TCOF1: variants seen among roughly 807,000 people sequenced by gnomAD.
The protein encoded by TCOF1 is treacle ribosome biogenesis factor 1, also known as treacle protein.
In TCOF1, 33 loss-of-function variants were observed where a neutral mutation model predicts 149.0. That is an observed-to-expected ratio of 0.22 (90% CI 0.17 to 0.30). The LOEUF (loss-of-function observed/expected upper bound fraction) is 0.30, where lower values mean the gene tolerates loss of function less well. Ranked by LOEUF, TCOF1 falls within the 10% of genes least tolerant of loss-of-function variation. The probability of loss-of-function intolerance (pLI) is 1.00; values close to 1 mark genes in which losing one functional copy is unlikely to be tolerated. For synonymous variants in TCOF1, 789 were observed against 738.8 expected, an observed-to-expected ratio of 1.07 and a Z score of -1.10; for missense variants, 1,728 against 1,840.7, an observed-to-expected ratio of 0.94 and a Z score of 1.12.
chr5:150,379,755 GCCAC>G, intron 17 of TCOF1, 23 bp downstream of exon 17: 2 of 1,611,172 alleles, frequency 1.2e-6, no homozygotes, highest in Non-Finnish European at 1.7e-6. Flanking sequence ...AGGCCTCTGA[GCCAC>G]CAACACTCAC....
chr5:150,374,942 T>C lies in TCOF1; in HGVS notation c.1279-12T>C. 1.2e-6 allele frequency: 2 copies of C among 1,612,778 alleles called. No homozygotes were observed. The highest frequency in any genetic ancestry group is 1.7e-6 in the Non-Finnish European group (2 of 1,179,738). The stretch of plus-strand genomic sequence containing the variant: ...CCTCTGGGCTCTCCCCTCATCCTGT[T>C]TCTCACTCCAGGCGAAGCCTTCAGG... On this transcript the variant is annotated splice_polypyrimidine_tract_variant and intron_variant, in intron 9 of 26. Transcript: ENST00000643257.
intron 23 of TCOF1, chr5:150,394,716 A>C (rs1768082906): frequency 6.6e-6 from 1 of 152,242 alleles, no homozygotes; most frequent in Admixed American, 6.5e-5. Context: ...CAGGAGTTCA[A>C]GACCAGCCTG....
chr5:150,375,217 G>C (rs544968367), intron 10 of TCOF1, 54 bp downstream of exon 10: 1 of 1,612,596 alleles, frequency 6.2e-7, no homozygotes, highest in Admixed American at 1.7e-5. Context: ...AAGACCTCCT[G>C]TGGTTTTGAC....
At chr5:150,383,782 C>G (rs1230167476) in intron 17 of TCOF1, 1 of 1,551,820 alleles carries the variant, frequency 6.4e-7, no homozygotes, top group East Asian at 2.4e-5. Context: ...CCAGGACCCT[C>G]TCTCAAGCAC....
At chr5:150,364,036 G>A (rs1291756931) in intron 2 of TCOF1, 77 bp from the exon 3 acceptor site, 52 of 1,605,436 alleles carry the variant, frequency 3.2e-5, no homozygotes, top group Non-Finnish European at 4.0e-5. Flanking sequence ...GGAAGGATGC[G>A]GGAAGGTCTG....
rs532540341 is a variant in TCOF1, at chr5:150,393,572, A to G, written c.3784+20A>G. On this transcript the variant is annotated intron_variant, in intron 23 of 26. Transcript: ENST00000643257. ...AAACAGGTAAGTTAAGGTCTGCAGGAGGGACATAGCAGGACACAGAGGGAC... is the reference window on the plus strand; with the variant it reads ...AAACAGGTAAGTTAAGGTCTGCAGGGGGGACATAGCAGGACACAGAGGGAC... 1 of 1,614,138 alleles carries G rather than the reference A, an allele frequency of 6.2e-7. No homozygotes were observed. The highest frequency in any genetic ancestry group is 2.2e-5 in the East Asian group (1 of 44,880).
At chr5:150,391,137 G>A (rs996893640) in intron 19 of TCOF1, among the ~76,000 whole-genome samples, 6 of 152,192 alleles carry the variant, frequency 3.9e-5, no homozygotes, top group African/African-American at 1.4e-4. Flanking sequence ...TGGATGAGGA[G>A]CTGGGGGAGA....
intron 14 of TCOF1, 122 bp downstream of exon 14, chr5:150,376,742 A>T (rs1562368327): frequency 1.0e-6 from 1 of 974,938 alleles, no homozygotes; most frequent in African/African-American, 1.6e-5. Flanking sequence ...GGTAGCCTCA[A>T]CACAGCTTCC....
intron 11 of TCOF1, 66 bp from the exon 12 acceptor site, chr5:150,375,655 A>T (rs374695298): frequency 3.0e-5 from 49 of 1,612,112 alleles, no homozygotes; most frequent in Non-Finnish European, 4.2e-5. Flanking sequence ...CTACAATCTT[A>T]GTTTCTTAAT....
chr5:150,397,720 C>T (rs1048449195), intron 24 of TCOF1, among the ~76,000 whole-genome samples: 2 of 152,136 alleles, frequency 1.3e-5, no homozygotes, highest in East Asian at 3.9e-4. Context: ...CCCCTTGGTG[C>T]TCAGAACTGT....
intron 3 of TCOF1, among the ~76,000 whole-genome samples, chr5:150,366,639 C>CT (rs1204091560): frequency 0.011 from 711 of 64,364 alleles, 159 homozygotes; most frequent in African/African-American, 0.028. Context: ...CAACATTCTT[C>CT]TTTTTTTTTT....
intron 4 of TCOF1, 130 bp from the exon 5 acceptor site, chr5:150,368,574 AAGATTGGGAAAC>A: frequency 1.1e-6 from 1 of 920,700 alleles, no homozygotes; most frequent in South Asian, 1.4e-5. Flanking sequence ...CCTCACTTTA[AAGATTGGGAAAC>A]AGATTGAAGG....
At chr5:150,394,007 T>G in intron 23 of TCOF1, 1 of 204,092 alleles carries the variant, frequency 4.9e-6, no homozygotes. Context: ...TGAGACCCTG[T>G]CTCAAAAAAA....
chr5:150,370,053 T>C (rs1020653607), intron 6 of TCOF1, among the ~76,000 whole-genome samples: 1 of 152,140 alleles, frequency 6.6e-6, no homozygotes, highest in African/African-American at 2.4e-5. Flanking sequence ...GCCTAGACAC[T>C]TGGCTAGAGT....
At chr5:150,397,628 T>C (rs1204204770) in intron 24 of TCOF1, among the ~76,000 whole-genome samples, 1 of 152,168 alleles carries the variant, frequency 6.6e-6, no homozygotes, top group African/African-American at 2.4e-5. Flanking sequence ...AGCATCGCCC[T>C]GGACGGTGGG....
intron 2 of TCOF1, among the ~76,000 whole-genome samples, chr5:150,362,884 GA>G (rs954298221): frequency 1.3e-5 from 2 of 152,126 alleles, no homozygotes; most frequent in Non-Finnish European, 2.9e-5. Context: ...GGGTGAGGGG[GA>G]CAAGGACCTC....
chr5:150,371,263 G>A (rs1255401543), intron 6 of TCOF1, among the ~76,000 whole-genome samples: 1 of 152,096 alleles, frequency 6.6e-6, no homozygotes, highest in East Asian at 1.9e-4. Context: ...GCCTTACCAA[G>A]GGCTGCCCTC....
At chr5:150,393,700 G>C in intron 23 of TCOF1, 148 bp downstream of exon 23, 1 of 1,066,148 alleles carries the variant, frequency 9.4e-7, no homozygotes, top group Non-Finnish European at 1.4e-6. Context: ...GCCTTGCATT[G>C]GACCTGAAGA....
chr5:150,376,691 C>T, intron 14 of TCOF1, 71 bp downstream of exon 14: 5 of 1,493,538 alleles, frequency 3.3e-6, no homozygotes, highest in Non-Finnish European at 4.6e-6. Flanking sequence ...ATGGGCTTGA[C>T]TGGGGGCTAG....
Sources: allele counts gnomAD v4.1 joint callset (sites outside exome capture counted in the v4.1 genomes callset), GRCh38; gene constraint gnomAD v4.1.1; transcripts MANE v1.5; gene names NCBI Gene and HGNC (gene_info 2026-07-23, HGNC 2026-07-21).